Variants in TTC29 observed in about 807,000 individuals in gnomAD.
TTC29 encodes the protein tetratricopeptide repeat domain 29.
Under a neutral mutation model 58.1 loss-of-function variants are expected in TTC29, and 49 were observed. The ratio of observed to expected loss-of-function variants is 0.84; its 90% CI spans 0.67 to 1.07. The LOEUF is 1.07. TTC29 is among the 50% of genes least tolerant of loss of function. The pLI, the probability that TTC29 is intolerant of heterozygous loss-of-function variation, is 0.00. For synonymous variants in TTC29, 209 were observed against 196.8 expected, an observed-to-expected ratio of 1.06 and a Z score of -0.52; for missense variants, 582 against 555.6, an observed-to-expected ratio of 1.05 and a Z score of -0.48.
intron 4 of TTC29, among the ~76,000 whole-genome samples, chr4:146,934,562 C>A (rs1735620957): frequency 6.6e-6 from 1 of 151,966 alleles, no homozygotes; most frequent in Non-Finnish European, 1.5e-5. Flanking sequence ...AATTGAGTAG[C>A]CGTTGGGTTA....
chr4:146,727,926 TCTC>T (rs1324300366), intron 11 of TTC29, among the ~76,000 whole-genome samples: 1 of 152,192 alleles, frequency 6.6e-6, no homozygotes, highest in Non-Finnish European at 1.5e-5. Flanking sequence ...AAGCTTGTCT[TCTC>T]ATTATCTTGA....
intron 11 of TTC29, among the ~76,000 whole-genome samples, chr4:146,743,475 C>A (rs1008699259): frequency 1.3e-5 from 2 of 152,144 alleles, no homozygotes; most frequent in African/African-American, 2.4e-5. Flanking sequence ...CAGAAGTGAA[C>A]AAGCAGCACA....
intron 11 of TTC29, among the ~76,000 whole-genome samples, chr4:146,801,834 C>T (rs1012320923): frequency 6.6e-5 from 10 of 151,390 alleles, no homozygotes; most frequent in Admixed American, 5.3e-4. Context: ...AAAAATTAGC[C>T]GGGCGTCATG....
chr4:146,904,895 C>T (rs1410724394), intron 5 of TTC29, among the ~76,000 whole-genome samples: 1 of 152,082 alleles, frequency 6.6e-6, no homozygotes, highest in Non-Finnish European at 1.5e-5. Flanking sequence ...GTAAGTCACC[C>T]CAATGTTTCA....
chr4:146,783,385 C>A (rs566108414), intron 11 of TTC29, among the ~76,000 whole-genome samples: 1 of 151,624 alleles, frequency 6.6e-6, no homozygotes, highest in African/African-American at 2.4e-5. Flanking sequence ...TGTAAATCAA[C>A]TTAGCCTCTC....
chr4:146,939,550 G>A (rs937010205), intron 3 of TTC29, among the ~76,000 whole-genome samples: 26 of 151,970 alleles, frequency 1.7e-4, no homozygotes, highest in African/African-American at 3.6e-4. Flanking sequence ...AAAACTCTAC[G>A]GGAACCATGA....
In TTC29 at chr4:146,876,934, C is replaced by CAA. The variant is rs776037799; in HGVS notation, c.587-2008_587-2007dup. On this transcript the variant is annotated intron_variant, in intron 6 of 12. Coordinates refer to ENST00000325106, the MANE Select transcript of TTC29 (RefSeq NM_031956.4). ...CTGTCAACAGAGCAAGACTCCATCT[C>CAA]AAAAAAAAAAAAAAAAAAAAGCAAA... 4.1e-3 allele frequency among the ~76,000 whole-genome samples: 243 copies of CAA among 58,894 alleles called. 2 individuals are homozygous for CAA. The highest frequency in any genetic ancestry group is 5.0e-3 in the South Asian group (8 of 1,610). 38.6% of individuals were successfully genotyped at this position (58,894 alleles called of 152,430 possible).
intron 11 of TTC29, among the ~76,000 whole-genome samples, chr4:146,783,203 T>G (rs1223393845): frequency 1.3e-5 from 2 of 152,094 alleles, no homozygotes; most frequent in African/African-American, 4.8e-5. Flanking sequence ...TTAACATATT[T>G]GTTACTTCAC....
Position 146,868,332 on chromosome 4 carries a change from CTGCACATTG to C in TTC29, c.800-758_800-750del, listed in dbSNP as rs1161275740. On this transcript the variant is annotated intron_variant, in intron 7 of 12. Transcript: ENST00000325106. ...GCACCTGTATACATATGTAACTAAC[CTGCACATTG>C]TGCACATGTACCCTAAAACTTAAAG... Among the ~76,000 whole-genome samples, 13 of 152,076 alleles carry C rather than the reference CTGCACATTG, an allele frequency of 8.5e-5. No individual in the cohort carries two copies. In the East Asian group the frequency reaches 2.5e-3, roughly 29 times the overall value.
At chr4:146,910,464 A>G (rs928652137) in intron 4 of TTC29, among the ~76,000 whole-genome samples, 3 of 152,138 alleles carry the variant, frequency 2.0e-5, no homozygotes, top group Non-Finnish European at 4.4e-5. Context: ...TTTCTTATCC[A>G]TTGGATCAAC....
intron 5 of TTC29, among the ~76,000 whole-genome samples, chr4:146,907,731 C>T (rs1339786772): frequency 6.6e-6 from 1 of 152,130 alleles, no homozygotes; most frequent in Non-Finnish European, 1.5e-5. Context: ...AACTCCTGAC[C>T]TCAGGTGATC....
intron 11 of TTC29, among the ~76,000 whole-genome samples, chr4:146,756,292 T>G (rs1460567589): frequency 6.6e-6 from 1 of 150,546 alleles, no homozygotes; most frequent in South Asian, 2.1e-4. Context: ...AAAAAAAATC[T>G]GTAGTCAGAT....
intron 11 of TTC29, among the ~76,000 whole-genome samples, chr4:146,729,307 C>T (rs952896181): frequency 6.6e-6 from 1 of 152,092 alleles, no homozygotes; most frequent in Non-Finnish European, 1.5e-5. Context: ...CAGCATTTTT[C>T]ACATTAAAGT....
intron 11 of TTC29, among the ~76,000 whole-genome samples, chr4:146,719,192 GTGTGT>G (rs1561056933): frequency 1.1e-5 from 1 of 93,594 alleles, no homozygotes; most frequent in African/African-American, 4.7e-5. Flanking sequence ...CTATTGGGGT[GTGTGT>G]GTGTGTGTGT....
At chr4:146,741,298 G>A (rs1745129757) in intron 11 of TTC29, among the ~76,000 whole-genome samples, 2 of 152,136 alleles carry the variant, frequency 1.3e-5, no homozygotes, top group Admixed American at 6.5e-5. Context: ...TGGCTTTGGA[G>A]TGGGCTTTGC....
chr4:146,884,294 T>C (rs907054082), intron 6 of TTC29, among the ~76,000 whole-genome samples: 5 of 152,036 alleles, frequency 3.3e-5, no homozygotes, highest in African/African-American at 1.2e-4. Context: ...CCTTCGAAAA[T>C]GTTTACTAGG....
intron 6 of TTC29, among the ~76,000 whole-genome samples, chr4:146,894,220 C>T (rs1338615510): frequency 1.3e-5 from 2 of 152,074 alleles, no homozygotes; most frequent in African/African-American, 4.8e-5. Context: ...GCTATAAAGA[C>T]ACATGCACAC....
intron 11 of TTC29, among the ~76,000 whole-genome samples, chr4:146,798,755 C>A (rs777485301): frequency 6.6e-6 from 1 of 151,378 alleles, no homozygotes; most frequent in Non-Finnish European, 1.5e-5. Context: ...GGTATTGGGG[C>A]GGGCACCTGT....
chr4:146,855,389 C>T (rs568161192), intron 8 of TTC29, among the ~76,000 whole-genome samples: 71 of 149,546 alleles, frequency 4.7e-4, no homozygotes, highest in African/African-American at 1.6e-3. Context: ...GCAGAGATTT[C>T]GCCACTGCAC....
Sources: gnomAD v4.1 joint callset for allele counts (sites outside exome capture counted in the v4.1 genomes callset) on GRCh38, gnomAD v4.1.1 for gene constraint, MANE v1.5 for transcripts, NCBI Gene and HGNC (gene_info 2026-07-23, HGNC 2026-07-21) for gene names.